Variants in SMARCA2 observed in about 807,000 individuals in gnomAD.
SMARCA2 encodes the protein SWI/SNF-related matrix-associated actin-dependent regulator of chromatin subfamily A member 2.
In SMARCA2, 61 loss-of-function variants were observed where a neutral mutation model predicts 199.8. The observed-to-expected ratio is 0.31, with a 90% CI of 0.25 to 0.38. The LOEUF (loss-of-function observed/expected upper bound fraction) is 0.38. SMARCA2 is among the 10% of genes least tolerant of loss of function. The pLI is 1.00. For synonymous variants in SMARCA2, 935 were observed against 732.0 expected, an observed-to-expected ratio of 1.28 and a Z score of -4.48; for missense variants, 1,344 against 2,012.2, an observed-to-expected ratio of 0.67 and a Z score of 6.35.
intron 27 of SMARCA2, among the ~76,000 whole-genome samples, chr9:2,140,857 T>C (rs1293021736): frequency 6.6e-6 from 1 of 152,136 alleles, no homozygotes; most frequent in African/African-American, 2.4e-5. Flanking sequence ...TGTGCATGTC[T>C]TTCCATTTGG....
chr9:2,061,721 A>C (rs1820600054), intron 9 of SMARCA2, among the ~76,000 whole-genome samples: 1 of 152,216 alleles, frequency 6.6e-6, no homozygotes, highest in African/African-American at 2.4e-5. Flanking sequence ...CCAGGTACAA[A>C]CATCAACTGG....
At chr9:2,060,174 T>A (rs563537134) in intron 8 of SMARCA2, among the ~76,000 whole-genome samples, 2 of 150,506 alleles carry the variant, frequency 1.3e-5, no homozygotes, top group Admixed American at 1.3e-4. Context: ...ATCTTTCCTG[T>A]TAACCACAAA....
At chr9:2,044,328 G>A (rs1819740228) in intron 4 of SMARCA2, 1 of 152,214 alleles carries the variant, frequency 6.6e-6, no homozygotes, top group African/African-American at 2.4e-5. Context: ...AGACTCCAGG[G>A]AGCACATGGC....
intron 27 of SMARCA2, among the ~76,000 whole-genome samples, chr9:2,146,580 G>A (rs1461261066): frequency 1.3e-5 from 2 of 152,128 alleles, no homozygotes; most frequent in Non-Finnish European, 2.9e-5. Context: ...AGAATTTGAG[G>A]CAAATCCATA....
At chr9:2,184,192 C>T (rs1442876110) in intron 31 of SMARCA2, among the ~76,000 whole-genome samples, 1 of 152,110 alleles carries the variant, frequency 6.6e-6, no homozygotes, top group Non-Finnish European at 1.5e-5. Context: ...GCCCATAGTC[C>T]ATTCGGACTG....
At chr9:2,040,753 G>C (rs545043475) in intron 4 of SMARCA2, 2 of 152,248 alleles carry the variant, frequency 1.3e-5, no homozygotes, top group African/African-American at 4.8e-5. Context: ...TTGGGATGAA[G>C]TCTGAAGCTA....
intron 4 of SMARCA2, among the ~76,000 whole-genome samples, chr9:2,046,234 T>G (rs140222880): frequency 5.2e-4 from 79 of 152,346 alleles, no homozygotes; most frequent in African/African-American, 1.8e-3. Context: ...AACTGAAAAT[T>G]CATCTAGGAG....
At chr9:2,132,010 C>T (rs1823984018) in intron 27 of SMARCA2, among the ~76,000 whole-genome samples, 1 of 151,134 alleles carries the variant, frequency 6.6e-6, no homozygotes, top group Non-Finnish European at 1.5e-5. Flanking sequence ...AAATGTGATA[C>T]ATCTCAAGAG....
rs554516969 is a variant in SMARCA2 at position 2,087,997 on chromosome 9, G to T, written c.2770-503G>T. 1.2e-4 allele frequency among the ~76,000 whole-genome samples: 18 copies of T among 152,290 alleles called. No individual in the cohort carries two copies. The South Asian group carries it at 2.3e-3, about 19-fold the overall frequency. On this transcript the variant is annotated intron_variant, in intron 18 of 33. Coordinates refer to ENST00000349721, the MANE Select transcript of SMARCA2 (RefSeq NM_003070.5). ...AAAAGGAAAGGAGTGAAGTTAGAGGGACTTAGAGGTCCACCAGCATAAACT... is the reference window on the plus strand; with the variant it reads ...AAAAGGAAAGGAGTGAAGTTAGAGGTACTTAGAGGTCCACCAGCATAAACT...
intron 27 of SMARCA2, among the ~76,000 whole-genome samples, chr9:2,141,457 A>G (rs1241613514): frequency 1.3e-5 from 2 of 152,220 alleles, no homozygotes; most frequent in Non-Finnish European, 2.9e-5. Flanking sequence ...AAGTCTGTGC[A>G]TAATGTAATG....
intron 28 of SMARCA2, among the ~76,000 whole-genome samples, chr9:2,167,201 T>C (rs1032460777): frequency 3.3e-5 from 5 of 152,262 alleles, no homozygotes; most frequent in African/African-American, 1.2e-4. Flanking sequence ...AGTTTGCAAC[T>C]GGACACTTGA....
chr9:2,032,994 C>G lies in SMARCA2; in HGVS notation c.268C>G (p.His90Asp). Residue 90 changes from histidine to aspartate, a missense_variant, in exon 3 of 34, where the codon CAT becomes GAT. Coordinates refer to ENST00000349721, the MANE Select transcript of SMARCA2 (RefSeq NM_003070.5). ...TGACAAGGGGATTGTAGAAGACATCCATTGTGGATCCATGAAGGGCACTGG... is the reference window on the plus strand; with the variant it reads ...TGACAAGGGGATTGTAGAAGACATCGATTGTGGATCCATGAAGGGCACTGG... ...IHDKGIVEDI[H>D]CGSMKGTGMR... 6.2e-7 allele frequency: 1 copy of G among 1,613,960 alleles called. No homozygotes were observed.
intron 8 of SMARCA2, among the ~76,000 whole-genome samples, chr9:2,060,118 C>CAAAAAAAAAAAAAAAAA (rs372329238): frequency 1.8e-4 from 11 of 62,414 alleles, no homozygotes; most frequent in African/African-American, 4.9e-4. Context: ...GATCTGTGGC[C>CAAAAAAAAAAAAAAAAA]AAAAAAAAAA....
chr9:2,045,877 C>T (rs1819820433), intron 4 of SMARCA2: 2 of 151,848 alleles, frequency 1.3e-5, no homozygotes, highest in Non-Finnish European at 2.9e-5. Context: ...CACAGGCACA[C>T]ACTGTAGTTT....
At chr9:2,184,151 T>C (rs1827257927) in intron 31 of SMARCA2, among the ~76,000 whole-genome samples, 1 of 152,158 alleles carries the variant, frequency 6.6e-6, no homozygotes, top group Non-Finnish European at 1.5e-5. Context: ...GGTAAGTCTT[T>C]AGCTTCATCT....
intron 8 of SMARCA2, 87 bp from the exon 9 acceptor site, chr9:2,060,729 C>A: frequency 1.6e-6 from 2 of 1,282,780 alleles, no homozygotes; most frequent in Admixed American, 1.9e-5. Context: ...AGTCAAAATG[C>A]AGACTGTCAA....
rs1264628247 is a variant in SMARCA2 at position 2,097,192 on chromosome 9, T to A, written c.2992-193T>A. The A allele has an allele frequency of 4.7e-5, 25 of 529,714 alleles. No homozygotes were observed. The East Asian group carries it at 7.5e-4, about 16-fold the overall frequency. The allele number at this position is 529,714 out of a possible 1,614,324, so 32.8% of individuals were successfully genotyped here. On this transcript the variant is annotated intron_variant, in intron 20 of 33. Coordinates refer to ENST00000349721, the MANE Select transcript of SMARCA2 (RefSeq NM_003070.5). ...GGTTCACTTTTTTTGTAGCGTAAGTTAATCACAAGAAAGACATTATGTCTA... is the reference window on the plus strand; with the variant it reads ...GGTTCACTTTTTTTGTAGCGTAAGTAAATCACAAGAAAGACATTATGTCTA...
Position 2,169,739 on chromosome 9 carries a change from C to CA in SMARCA2, c.4200-675dup, listed in dbSNP as rs1358899719. Among the ~76,000 whole-genome samples, 3 of 152,242 alleles carry CA rather than the reference C, an allele frequency of 2.0e-5. No homozygotes were observed. The highest frequency in any genetic ancestry group is 3.4e-3 in the Middle Eastern group (1 of 294). On this transcript the variant is annotated intron_variant, in intron 28 of 33. Coordinates refer to ENST00000349721, the MANE Select transcript of SMARCA2 (RefSeq NM_003070.5). The surrounding 1 kb of genome is among the most constrained non-coding windows in gnomAD (Gnocchi z 6.5). ...CCTGGCAGCTGCTTCCCTGCCACCA[C>CA]AAAAAGGGACACCAACCTAGCAGTT...
chr9:2,115,799 T>G lies in SMARCA2; in HGVS notation c.3457-23T>G. 2 of 1,605,946 alleles carry G rather than the reference T, an allele frequency of 1.2e-6. No individual in the cohort carries two copies. The highest frequency in any genetic ancestry group is 2.2e-5 in the South Asian group (2 of 90,600). ...CCTATGCCAGGCATCTCAGTCCTCA[T>G]AGCATATTGACCCCCCAAACAGGAT... On this transcript the variant is annotated intron_variant, in intron 24 of 33. Transcript: ENST00000349721. The surrounding 1 kb of genome is among the most constrained non-coding windows in gnomAD (Gnocchi z 6.0).
Sources: gnomAD v4.1 joint callset for allele counts (sites outside exome capture counted in the v4.1 genomes callset) on GRCh38, gnomAD v4.1.1 for gene constraint, Gnocchi (gnomAD v3.1) non-coding constraint, MANE v1.5 for transcripts, NCBI Gene and HGNC (gene_info 2026-07-23, HGNC 2026-07-21) for gene names.